Variants in NAGLU observed in about 807,000 individuals in gnomAD.
NAGLU encodes N-acetyl-alpha-glucosaminidase.
In NAGLU, 34 loss-of-function variants were observed where a neutral mutation model predicts 43.4. That is an observed-to-expected ratio of 0.78 (90% CI 0.60 to 1.04). NAGLU has a LOEUF of 1.04. Among genes scored for constraint, NAGLU ranks in the 50% least tolerant of loss-of-function variants. NAGLU has a pLI of 0.00. For synonymous variants in NAGLU, 425 were observed against 437.6 expected, an observed-to-expected ratio of 0.97 and a Z score of 0.36; for missense variants, 910 against 993.7, an observed-to-expected ratio of 0.92 and a Z score of 1.13.
rs1209988199 is a variant in NAGLU at position 42,541,060 on chromosome 17, G to C, written c.875G>C (p.Gly292Ala). 1.9e-6 allele frequency: 3 copies of C among 1,614,124 alleles called. No individual in the cohort carries two copies. The highest frequency in any genetic ancestry group is 2.2e-5 in the South Asian group (2 of 91,082). The part of the protein sequence containing the change: ...APEDPIFPII[G>A]SLFLRELIKE... ...GAAGACCCCATATTCCCCATCATCG[G>C]GAGCCTCTTCCTGCGAGAGCTGATC... Residue 292 changes from glycine to alanine, a missense_variant, in exon 5 of 6, where the codon GGG (glycine) becomes GCG (alanine). By Grantham distance (60) the Gly-to-Ala change is moderately conservative. Transcript: ENST00000225927.
chr17:42,544,147 G>T lies in NAGLU; in HGVS notation c.2141G>T (p.Arg714Met), dbSNP rs756220141. The T allele has an allele frequency of 1.2e-6, 2 of 1,613,974 alleles. No homozygotes were observed. The highest frequency in any genetic ancestry group is 2.2e-5 in the South Asian group (2 of 91,078). ...CAGGCCTTCGTTCTCAGCAAGCAGAGGTACCCCAGCCAGCCGCGAGGAGAC... is the reference window on the plus strand; with the variant it reads ...CAGGCCTTCGTTCTCAGCAAGCAGATGTACCCCAGCCAGCCGCGAGGAGAC... ...LEQAFVLSKQ[R>M]YPSQPRGDTV... The change falls in exon 6 of 6, where the codon AGG (arginine) becomes ATG (methionine). Residue 714 changes from arginine (R) to methionine (M), a missense_variant. Transcript: ENST00000225927.
Position 42,543,429 on chromosome 17 carries a change from G to A in NAGLU, c.1423G>A (p.Val475Met). 6.2e-7 allele frequency: 1 copy of A among 1,601,368 alleles called. No individual in the cohort carries two copies. The highest frequency in any genetic ancestry group is 8.5e-7 in the Non-Finnish European group (1 of 1,174,988). The change falls in exon 6 of 6, where the codon GTG (valine) becomes ATG (methionine). Residue 475 changes from valine to methionine, a missense_variant. By Grantham distance (21) the Val-to-Met change is conservative. Coordinates refer to ENST00000225927, the MANE Select transcript of NAGLU (RefSeq NM_000263.4). The part of the protein sequence containing the change: ...KDPVPDLAAW[V>M]TSFAARRYGV... The stretch of plus-strand genomic sequence containing the variant: ...CCCAGTGCCAGATTTGGCAGCCTGG[G>A]TGACCAGCTTTGCCGCCCGGCGGTA...
In NAGLU at chr17:42,544,278, A is replaced by T. The variant is rs775408315; in HGVS notation, c.*40A>T. On this transcript the variant is annotated 3_prime_UTR_variant, in exon 6 of 6. Transcript: ENST00000225927. ...CTGGGCCTTGTTTTCCGCTAATTCC[A>T]GGGCAGATTCCAGGGCCCAGAGCTG... is the stretch of plus-strand genomic sequence containing the variant. 4 of 1,602,078 alleles carry T rather than the reference A, an allele frequency of 2.5e-6. No individual in the cohort carries two copies. The Admixed American group carries it at 6.7e-5, about 27-fold the overall frequency.
intron 4 of NAGLU, among the ~76,000 whole-genome samples, chr17:42,540,080 C>T (rs527502731): frequency 2.7e-5 from 4 of 147,942 alleles, no homozygotes; most frequent in Non-Finnish European, 5.9e-5. Context: ...CACCACTTCA[C>T]TCCAGCCTGG....
At chr17:42,541,318 CA>C in intron 5 of NAGLU, 112 bp downstream of exon 5, 1 of 1,429,748 alleles carries the variant, frequency 7.0e-7, no homozygotes, top group Non-Finnish European at 9.6e-7. Flanking sequence ...CCATAACACA[CA>C]GTACTTCATA....
chr17:42,537,283 G>C (rs1434342584), intron 1 of NAGLU, 115 bp from the exon 2 acceptor site: 1 of 1,534,286 alleles, frequency 6.5e-7, no homozygotes, highest in African/African-American at 1.4e-5. Flanking sequence ...GTGTGCAGCA[G>C]AAGGGCCGAG....
chr17:42,542,952 T>C (rs1211695250), intron 5 of NAGLU, 76 bp from the exon 6 acceptor site: 1 of 1,589,522 alleles, frequency 6.3e-7, no homozygotes, highest in East Asian at 2.2e-5. Context: ...CAGTCGTCTG[T>C]AGAGTGGGGT....
Position 42,538,377 on chromosome 17 carries a change from T to C in NAGLU, c.570T>C (p.Asn190=), listed in dbSNP as rs199786137. 1.2e-6 allele frequency: 2 copies of C among 1,614,150 alleles called. No individual in the cohort carries two copies. The highest frequency in any genetic ancestry group is 1.7e-6 in the Non-Finnish European group (2 of 1,180,058). Reference sequence around the variant, plus strand: ...TGGGCCTGACCCAGGCAGAGATCAATGAGTTCTTTACTGGTCCTGCCTTCC... The same window carrying C: ...TGGGCCTGACCCAGGCAGAGATCAACGAGTTCTTTACTGGTCCTGCCTTCC... ...LALGLTQAEI[N]EFFTGPAFLA... Residue 190 remains asparagine (N), a synonymous_variant, in exon 3 of 6, where the codon AAT becomes AAC. Coordinates refer to ENST00000225927, the MANE Select transcript of NAGLU (RefSeq NM_000263.4).
intron 3 of NAGLU, 34 bp downstream of exon 3, chr17:42,538,519 G>C (rs2092913182): frequency 1.2e-6 from 2 of 1,613,510 alleles, no homozygotes; most frequent in Non-Finnish European, 1.7e-6. Context: ...GGCAGAATCG[G>C]TGATAGATGG....
In NAGLU at chr17:42,544,266, T is replaced by C. The variant is rs776324405; in HGVS notation, c.*28T>C. 2 of 1,603,644 alleles carry C rather than the reference T, an allele frequency of 1.2e-6. No homozygotes were observed. Among genetic ancestry groups the C allele is most frequent in the African/African-American group, 2.7e-5 (2 of 74,934 alleles). On this transcript the variant is annotated 3_prime_UTR_variant, in exon 6 of 6. Transcript: ENST00000225927. ...GATTCGCCACCACTGGGCCTTGTTT[T>C]CCGCTAATTCCAGGGCAGATTCCAG...
chr17:42,538,110 A>G (rs1338334109), intron 2 of NAGLU, among the ~76,000 whole-genome samples: 1 of 152,128 alleles, frequency 6.6e-6, no homozygotes, highest in African/African-American at 2.4e-5. Context: ...GTTGGGGGAA[A>G]GCCCCTTTGT....
chr17:42,536,789 G>T (rs977180953), intron 1 of NAGLU, 134 bp downstream of exon 1: 4 of 1,333,298 alleles, frequency 3.0e-6, no homozygotes, highest in Non-Finnish European at 2.9e-6. Context: ...CAGCTGTGTG[G>T]CCTTGAGCCA....
Position 42,538,871 on chromosome 17 carries a change from C to T in NAGLU, c.764+116C>T, listed in dbSNP as rs542525231. On this transcript the variant is annotated intron_variant, in intron 4 of 5. Transcript: ENST00000225927. ...GCGCAGTGGCTCACGCCTGTAATCC[C>T]AGCACTTTGGGAGGCCGAGTTGGGC... 447 of 1,271,058 alleles carry T rather than the reference C, an allele frequency of 3.5e-4. 2 individuals are homozygous for T. Among genetic ancestry groups the T allele is most frequent in the East Asian group, 8.2e-4 (32 of 39,160 alleles). The allele number at this position is 1,271,058 out of a possible 1,614,324, so 78.7% of individuals were successfully genotyped here.
rs1318421483 is a variant in NAGLU at position 42,536,566 on chromosome 17, C to T, written c.294C>T (p.Gly98=). 4 of 1,480,436 alleles carry T rather than the reference C, an allele frequency of 2.7e-6. No homozygotes were observed. Among genetic ancestry groups the T allele is most frequent in the Non-Finnish European group, 3.6e-6 (4 of 1,122,666 alleles). The allele number at this position is 1,480,436 out of a possible 1,614,324, so 91.7% of individuals were successfully genotyped here. The part of the protein sequence containing the change: ...GLHRYLRDFC[G]CHVAWSGSQL... The stretch of plus-strand genomic sequence containing the variant: ...ACCGCTACCTGCGCGACTTCTGTGG[C>T]TGCCACGTGGCCTGGTCCGGCTCTC... Residue 98 remains glycine (G), a synonymous_variant, in exon 1 of 6, where the codon GGC becomes GGT. Transcript: ENST00000225927.
intron 1 of NAGLU, 89 bp downstream of exon 1, chr17:42,536,744 G>T (rs1374874501): frequency 3.0e-6 from 4 of 1,345,416 alleles, no homozygotes; most frequent in Non-Finnish European, 2.9e-6. Flanking sequence ...TGAGCGGGGA[G>T]CGCTGGCCGG....
At chr17:42,536,747 C>T (rs2092907530) in intron 1 of NAGLU, 92 bp downstream of exon 1, 1 of 1,344,584 alleles carries the variant, frequency 7.4e-7, no homozygotes, top group Non-Finnish European at 9.5e-7. Context: ...GCGGGGAGCG[C>T]TGGCCGGAAG....
Position 42,543,179 on chromosome 17 carries a change from T to C in NAGLU, c.1173T>C (p.Tyr391=). The change falls in exon 6 of 6, where the codon TAT becomes TAC. Residue 391 remains tyrosine, a synonymous_variant. Coordinates refer to ENST00000225927, the MANE Select transcript of NAGLU (RefSeq NM_000263.4). ...TGTTTGCTGAGAGCCAGCCTGTGTA[T>C]ACCCGCACTGCCTCCTTCCAGGGCC... ...LDLFAESQPV[Y]TRTASFQGQP... is the part of the protein sequence containing the mutation. The C allele has an allele frequency of 6.2e-7, 1 of 1,614,202 alleles. No homozygotes were observed. Among genetic ancestry groups the C allele is most frequent in the Non-Finnish European group, 8.5e-7 (1 of 1,180,050 alleles).
chr17:42,543,478 G>T lies in NAGLU; in HGVS notation c.1472G>T (p.Gly491Val). ...TATGGGGTCTCCCACCCGGACGCAG[G>T]GGCAGCGTGGAGGCTACTGCTCCGG... is the stretch of plus-strand genomic sequence containing the variant. The part of the protein sequence containing the change: ...RRYGVSHPDA[G>V]AAWRLLLRSV... The change falls in exon 6 of 6, where the codon GGG (glycine) becomes GTG (valine). Residue 491 changes from glycine (G) to valine (V), a missense_variant. Transcript: ENST00000225927. 1 of 1,600,790 alleles carries T rather than the reference G, an allele frequency of 6.2e-7. No homozygotes were observed.
intron 2 of NAGLU, 133 bp from the exon 3 acceptor site, chr17:42,538,206 G>C: frequency 7.2e-7 from 1 of 1,389,266 alleles, no homozygotes; most frequent in Non-Finnish European, 1.0e-6. Context: ...TGGGCTCCTT[G>C]ATGGCAGCGT....
Sources: allele counts gnomAD v4.1 joint callset (sites outside exome capture counted in the v4.1 genomes callset), GRCh38; gene constraint gnomAD v4.1.1; transcripts MANE v1.5; gene names NCBI Gene and HGNC (gene_info 2026-07-23, HGNC 2026-07-21).